The following DHX57 variants were observed in gnomAD, a reference collection of about 807,000 sequenced individuals.
The protein encoded by DHX57 is DExH-box helicase 57.
A neutral mutation model predicts 156.2 loss-of-function variants in DHX57; 105 were observed. That is an observed-to-expected ratio of 0.67 (90% confidence interval 0.57 to 0.79). DHX57 has a LOEUF of 0.79. Ranked by LOEUF, DHX57 falls within the 30% of genes least tolerant of loss-of-function variation. The pLI is 0.00. For synonymous variants in DHX57, 704 were observed against 595.6 expected (o/e 1.18, Z -2.65); for missense variants, 1,847 against 1,661.9 (o/e 1.11, Z -1.94).
At chr2:38,868,877 C>T (rs1321564248) in intron 1 of DHX57, among the ~76,000 whole-genome samples, 1 of 152,138 alleles carries the variant, frequency 6.6e-6, no homozygotes, top group Non-Finnish European at 1.5e-5. Flanking sequence ...TCTCAGCTCA[C>T]TGCAACCTCT....
chr2:38,869,396 C>A (rs1229219830), intron 1 of DHX57, among the ~76,000 whole-genome samples: 2 of 152,120 alleles, frequency 1.3e-5, no homozygotes, highest in African/African-American at 4.8e-5. Flanking sequence ...AGACTGTTGG[C>A]CAACTAGTTT....
intron 20 of DHX57, among the ~76,000 whole-genome samples, chr2:38,815,053 TA>T (rs1320744535): frequency 2.7e-5 from 4 of 148,932 alleles, no homozygotes; most frequent in African/African-American, 7.4e-5. Context: ...AGCTGACACT[TA>T]AAAAAATTTT....
chr2:38,859,508 T>A (rs1017261623), intron 5 of DHX57, among the ~76,000 whole-genome samples: 9 of 152,220 alleles, frequency 5.9e-5, no homozygotes, highest in African/African-American at 1.4e-4. Context: ...CATTGAATTG[T>A]GTATTTTAAA....
intron 21 of DHX57, among the ~76,000 whole-genome samples, chr2:38,807,341 A>G (rs1669997230): frequency 6.6e-6 from 1 of 151,778 alleles, no homozygotes; most frequent in African/African-American, 2.4e-5. Flanking sequence ...GGCGTGAGCC[A>G]CTACAACCGG....
intron 9 of DHX57, among the ~76,000 whole-genome samples, chr2:38,852,078 A>G (rs916165654): frequency 2.6e-5 from 4 of 151,742 alleles, no homozygotes; most frequent in Non-Finnish European, 4.4e-5. Context: ...CATTCTTTTT[A>G]TCTAAAAGTC....
intron 5 of DHX57, among the ~76,000 whole-genome samples, chr2:38,860,407 C>G (rs1178795455): frequency 2.0e-5 from 3 of 152,104 alleles, no homozygotes; most frequent in Non-Finnish European, 4.4e-5. Context: ...TGAGATCATA[C>G]CACTGCACTC....
At chr2:38,840,479 C>G (rs1245447827) in intron 12 of DHX57, among the ~76,000 whole-genome samples, 1 of 151,480 alleles carries the variant, frequency 6.6e-6, no homozygotes, top group Non-Finnish European at 1.5e-5. Context: ...CTCCTGGGTT[C>G]AAGCGATTCT....
intron 1 of DHX57, among the ~76,000 whole-genome samples, chr2:38,875,094 G>A (rs1176803270): frequency 6.6e-6 from 1 of 152,108 alleles, no homozygotes; most frequent in Admixed American, 6.6e-5. Context: ...TGAGATATGC[G>A]CTTAACATTT....
At position 38,823,182 on chromosome 2, in the gene DHX57, A is replaced by G; in HGVS notation, c.3102T>C (p.Arg1034=). The change falls in exon 17 of 24, where the codon CGT becomes CGC. Residue 1034 remains arginine (R), a synonymous_variant. Transcript: ENST00000457308. ...AGTCTCGTAATCGTATTTTTGAGGC[A>G]CGAAGAGAATCGGTGTGTGGAGGTT... ...LIEPPHTDSL[R]ASKIRLRDLG... is the part of the protein sequence containing the mutation. The G allele has an allele frequency of 6.2e-7, 1 of 1,614,204 alleles. No homozygotes were observed. Among genetic ancestry groups the G allele is most frequent in the Non-Finnish European group, 8.5e-7 (1 of 1,180,046 alleles).
In DHX57 at chr2:38,807,717, G is replaced by A. The variant is rs192066101; in HGVS notation, c.3682-1024C>T. Among the ~76,000 whole-genome samples the A allele has an allele frequency of 3.3e-5, 5 of 151,530 alleles. No homozygotes were observed. In the East Asian group the frequency reaches 9.7e-4, roughly 29 times the overall value. On this transcript the variant is annotated intron_variant, in intron 21 of 23. Coordinates refer to ENST00000457308, the MANE Select transcript of DHX57 (RefSeq NM_198963.3). The stretch of plus-strand genomic sequence containing the variant: ...GGCTGGAGTGCAACGGTGCAATCTC[G>A]GCTCACTGCAACCTCCGCCTCCTGG...
In DHX57 at chr2:38,798,370, T is replaced by C. The variant is rs745547498; in HGVS notation, c.4090A>G (p.Ile1364Val). Residue 1364 changes from isoleucine (I) to valine (V), a missense_variant, in exon 24 of 24, where the codon ATT (isoleucine) becomes GTT (valine). Ile to Val is a conservative substitution (Grantham distance 29). Transcript: ENST00000457308. Reference protein sequence around the residue: ...LLQDKIKNPSIDLCTCPRGSR... With the variant: ...LLQDKIKNPSVDLCTCPRGSR... ...CCTCGAGGACACGTACACAGATCAA[T>C]GCTTGGGTTTTTAATTTTATCCTGG... is the stretch of plus-strand genomic sequence containing the variant. 6.2e-6 allele frequency: 10 copies of C among 1,614,026 alleles called. No individual in the cohort carries two copies. The South Asian group carries it at 9.9e-5, about 16-fold the overall frequency.
At chr2:38,811,070 G>C in intron 21 of DHX57, 2 of 616,982 alleles carry the variant, frequency 3.2e-6, no homozygotes. Context: ...ACCTGAAGGT[G>C]GTTGGTTCTT....
intron 3 of DHX57, 119 bp from the exon 4 acceptor site, chr2:38,862,452 T>A: frequency 1.1e-6 from 1 of 950,486 alleles, no homozygotes; most frequent in Non-Finnish European, 1.5e-6. Context: ...GTTGCTGATT[T>A]AATCTTATAT....
At chr2:38,869,750 A>G (rs1665268751) in intron 1 of DHX57, among the ~76,000 whole-genome samples, 1 of 152,246 alleles carries the variant, frequency 6.6e-6, no homozygotes, top group Non-Finnish European at 1.5e-5. Flanking sequence ...TTGTTACAGT[A>G]TGTTATCCAA....
chr2:38,854,556 G>GTTT (rs1180060112), intron 8 of DHX57: 40 of 132,672 alleles, frequency 3.0e-4, no homozygotes, highest in African/African-American at 5.1e-4. Flanking sequence ...CCAAATAAGA[G>GTTT]TTTTTTTTTT....
intron 13 of DHX57, among the ~76,000 whole-genome samples, chr2:38,830,951 A>G (rs1012444648): frequency 2.0e-5 from 3 of 152,030 alleles, no homozygotes; most frequent in Non-Finnish European, 4.4e-5. Flanking sequence ...AAAATTTAGT[A>G]GGGCTCGAGA....
At chr2:38,832,459 A>G (rs1310241943) in intron 13 of DHX57, among the ~76,000 whole-genome samples, 1 of 151,974 alleles carries the variant, frequency 6.6e-6, no homozygotes, top group East Asian at 1.9e-4. Flanking sequence ...AGAAAACCAC[A>G]TAATGATTAA....
intron 8 of DHX57, 22 bp downstream of exon 8, chr2:38,855,035 G>T (rs768836173): frequency 1.9e-6 from 3 of 1,613,810 alleles, no homozygotes; most frequent in Admixed American, 3.3e-5. Flanking sequence ...CTGTTACCAG[G>T]AAATAAGCAG....
chr2:38,829,451 T>G (rs1671269322), intron 13 of DHX57, among the ~76,000 whole-genome samples: 1 of 151,826 alleles, frequency 6.6e-6, no homozygotes, highest in Non-Finnish European at 1.5e-5. Context: ...TTTTGTAGTT[T>G]TAGTAGAGAC....
Sources: allele counts gnomAD v4.1 joint callset (sites outside exome capture counted in the v4.1 genomes callset), GRCh38; gene constraint gnomAD v4.1.1; transcripts MANE v1.5; gene names NCBI Gene and HGNC (gene_info 2026-07-23, HGNC 2026-07-21).